Variants in ASAP2 observed in about 807,000 individuals in gnomAD.
ASAP2 encodes the protein arf-GAP with SH3 domain, ANK repeat and PH domain-containing protein 2.
Under a neutral mutation model 131.4 loss-of-function variants are expected in ASAP2, and 45 were observed. That is an observed-to-expected ratio of 0.34 (90% CI 0.27 to 0.44). The LOEUF is 0.44. ASAP2 is among the 20% of genes least tolerant of loss of function. ASAP2 has a pLI of 1.00. For missense variants in ASAP2, 1,011 were observed against 1,297.0 expected (o/e 0.78, Z 3.39); for synonymous variants, 510 against 503.0 (o/e 1.01, Z -0.19).
Position 9,405,632 on chromosome 2 carries a change from G to A in ASAP2, c.*2305G>A, listed in dbSNP as rs1013748712. On this transcript the variant is annotated 3_prime_UTR_variant, in exon 28 of 28. Coordinates refer to ENST00000281419, the MANE Select transcript of ASAP2 (RefSeq NM_003887.3). ...CATGTTTAATAAGTTTACTCTTCTT[G>A]TTAACTAGTCATTTGACTGGAAAAA... The A allele has an allele frequency of 6.6e-6, 1 of 152,466 alleles. No individual in the cohort carries two copies. Among genetic ancestry groups the A allele is most frequent in the Admixed American group, 6.5e-5 (1 of 15,268 alleles). 9.4% of individuals were successfully genotyped at this position (152,466 alleles called of 1,614,324 possible).
At chr2:9,267,304 G>A (rs578014672) in intron 1 of ASAP2, among the ~76,000 whole-genome samples, 8 of 152,044 alleles carry the variant, frequency 5.3e-5, no homozygotes, top group Non-Finnish European at 8.8e-5. Flanking sequence ...ACATCTCTCC[G>A]CTCTCTAGTA....
intron 1 of ASAP2, among the ~76,000 whole-genome samples, chr2:9,277,633 A>G (rs1019205578): frequency 5.3e-5 from 8 of 152,184 alleles, no homozygotes; most frequent in Admixed American, 6.5e-5. Flanking sequence ...TCCCCTTGAC[A>G]TGCATAGCCT....
intron 2 of ASAP2, among the ~76,000 whole-genome samples, chr2:9,288,993 GC>G (rs552329208): frequency 1.3e-3 from 199 of 152,288 alleles, no homozygotes; most frequent in African/African-American, 4.0e-3. Context: ...TCTGTTACCA[GC>G]CCCCAGAAAA....
intron 2 of ASAP2, among the ~76,000 whole-genome samples, chr2:9,289,549 A>G (rs1667668145): frequency 6.6e-6 from 1 of 152,186 alleles, no homozygotes; most frequent in Admixed American, 6.5e-5. Context: ...TCAACATAAA[A>G]AAAAATATGC....
chr2:9,361,454 A>G (rs1157550163), intron 15 of ASAP2, among the ~76,000 whole-genome samples: 1 of 152,202 alleles, frequency 6.6e-6, no homozygotes, highest in Non-Finnish European at 1.5e-5. Flanking sequence ...TCAGTTAAGC[A>G]GTACGTAGGG....
At chr2:9,354,189 C>T (rs1672535168) in intron 12 of ASAP2, among the ~76,000 whole-genome samples, 1 of 152,124 alleles carries the variant, frequency 6.6e-6, no homozygotes, top group Admixed American at 6.5e-5. Context: ...CAAGTGAGTC[C>T]CCTGAGTAGG....
At chr2:9,400,569 G>A (rs1415802491) in intron 25 of ASAP2, among the ~76,000 whole-genome samples, 173 bp from the exon 26 acceptor site, 1 of 152,026 alleles carries the variant, frequency 6.6e-6, no homozygotes, top group East Asian at 1.9e-4. Context: ...GACACTCGCT[G>A]CCACACAAGC....
chr2:9,370,885 G>A (rs967860388), intron 16 of ASAP2, among the ~76,000 whole-genome samples: 3 of 152,160 alleles, frequency 2.0e-5, no homozygotes, highest in Admixed American at 1.3e-4. Context: ...ATCCAGCATG[G>A]CGAGGTCATC....
intron 9 of ASAP2, among the ~76,000 whole-genome samples, chr2:9,338,841 TC>T (rs893575646): frequency 3.7e-4 from 57 of 152,208 alleles, no homozygotes; most frequent in African/African-American, 1.3e-3. Flanking sequence ...AGGGATGACT[TC>T]CCAAAGGCTG....
intron 16 of ASAP2, among the ~76,000 whole-genome samples, chr2:9,372,224 A>G (rs1674036126): frequency 6.6e-6 from 1 of 152,176 alleles, no homozygotes; most frequent in South Asian, 2.1e-4. Context: ...AGGCATTTAC[A>G]TCATTAAATG....
intron 6 of ASAP2, among the ~76,000 whole-genome samples, chr2:9,324,578 A>G (rs1455409205): frequency 1.3e-5 from 2 of 152,128 alleles, no homozygotes; most frequent in African/African-American, 2.4e-5. Context: ...GAGACAGCCA[A>G]ACTGGCTTTT....
chr2:9,243,442 T>G (rs531561723), intron 1 of ASAP2, among the ~76,000 whole-genome samples: 145 of 152,316 alleles, frequency 9.5e-4, no homozygotes, highest in African/African-American at 3.4e-3. Flanking sequence ...TTTTTGTCCA[T>G]AGATTACAAT....
chr2:9,401,324 C>T lies in ASAP2; in HGVS notation c.2874C>T (p.Asp958=). The part of the protein sequence containing the change: ...RVKALYNCVA[D]NPDELTFSEG... Reference sequence around the variant, plus strand: ...AAGCGCTCTATAACTGTGTGGCTGACAACCCCGATGAGCTCACCTTCTCCG... The same window carrying T: ...AAGCGCTCTATAACTGTGTGGCTGATAACCCCGATGAGCTCACCTTCTCCG... Residue 958 remains aspartate, a synonymous_variant, in exon 27 of 28, where the codon GAC becomes GAT. Transcript: ENST00000281419. 6 of 1,613,634 alleles carry T rather than the reference C, an allele frequency of 3.7e-6. No homozygotes were observed. The highest frequency in any genetic ancestry group is 5.1e-6 in the Non-Finnish European group (6 of 1,179,944).
In ASAP2 at chr2:9,393,643, C is replaced by A. The variant is rs759635089; in HGVS notation, c.2680C>A (p.Pro894Thr). 1 of 1,568,156 alleles carries A rather than the reference C, an allele frequency of 6.4e-7. No individual in the cohort carries two copies. Among genetic ancestry groups the A allele is most frequent in the Non-Finnish European group, 8.6e-7 (1 of 1,161,154 alleles). Residue 894 changes from proline to threonine, a missense_variant, in exon 24 of 28, where the codon CCG (proline) becomes ACG (threonine). Pro to Thr is a conservative substitution (Grantham distance 38). This residue lies in a region of ASAP2 where 652 missense variants were observed against 698.9 expected (regional missense o/e 0.93). Coordinates refer to ENST00000281419, the MANE Select transcript of ASAP2 (RefSeq NM_003887.3). ...CCGCCTCCCGCAGAAGAAGCCTGCG[C>A]CGGGGTAAGCCACCCCCAGCCAGCT... Reference protein sequence around the residue: ...PSRLPQKKPAPGADKSTPLTN... With the variant: ...PSRLPQKKPATGADKSTPLTN...
chr2:9,263,879 A>AT (rs556087973), intron 1 of ASAP2, among the ~76,000 whole-genome samples: 1 of 151,768 alleles, frequency 6.6e-6, no homozygotes, highest in East Asian at 1.9e-4. Flanking sequence ...TTTTTTCTCC[A>AT]TTTTTTTCCC....
intron 1 of ASAP2, among the ~76,000 whole-genome samples, chr2:9,212,899 G>T (rs11693820): frequency 0.1 from 15,815 of 152,210 alleles, 1,789 homozygotes; most frequent in African/African-American, 0.28. Flanking sequence ...AGCACTGTTC[G>T]AGACGGAACC....
intron 3 of ASAP2, among the ~76,000 whole-genome samples, chr2:9,312,996 T>C (rs2092436767): frequency 6.6e-6 from 1 of 151,982 alleles, no homozygotes; most frequent in East Asian, 1.9e-4. Flanking sequence ...GAGGTGGAGG[T>C]TGCAGTGAGC....
intron 1 of ASAP2, among the ~76,000 whole-genome samples, chr2:9,245,975 A>G (rs1208941543): frequency 6.6e-6 from 1 of 152,262 alleles, no homozygotes; most frequent in Non-Finnish European, 1.5e-5. Context: ...AAAAACAAGC[A>G]TACGATGGGG....
intron 9 of ASAP2, among the ~76,000 whole-genome samples, chr2:9,336,402 G>A (rs1558342760): frequency 1.3e-5 from 2 of 152,020 alleles, no homozygotes; most frequent in Non-Finnish European, 2.9e-5. Flanking sequence ...AGTGATCTGA[G>A]TTCACAGAGC....
Sources: gnomAD v4.1 joint callset for allele counts (sites outside exome capture counted in the v4.1 genomes callset) on GRCh38, gnomAD v4.1.1 for gene constraint, gnomAD v4.1.1 regional missense constraint, MANE v1.5 for transcripts, NCBI Gene and HGNC (gene_info 2026-07-23, HGNC 2026-07-21) for gene names.